ADGRL3: variants seen among roughly 807,000 people sequenced by gnomAD.
The protein encoded by ADGRL3 is calcium-independent alpha-latrotoxin receptor 3.
Under a neutral mutation model 153.5 loss-of-function variants are expected in ADGRL3, and 62 were observed. The observed-to-expected ratio is 0.40, with a 90% CI of 0.33 to 0.50. ADGRL3 has a LOEUF of 0.50. Ranked by LOEUF, ADGRL3 falls within the 20% of genes least tolerant of loss-of-function variation. The probability of loss-of-function intolerance (pLI) is 0.47; values close to 1 mark genes in which losing one functional copy is unlikely to be tolerated. For missense variants in ADGRL3, 1,641 were observed against 1,859.4 expected, an observed-to-expected ratio of 0.88 and a Z score of 2.16; for synonymous variants, 710 against 672.5, an observed-to-expected ratio of 1.06 and a Z score of -0.86.
chr4:61,641,254 AAAAATAAATCCTAT>A (rs1225686489), intron 5 of ADGRL3, among the ~76,000 whole-genome samples: 2 of 130,884 alleles, frequency 1.5e-5, no homozygotes, highest in Non-Finnish European at 3.2e-5. Flanking sequence ...TGTAGTAAAT[AAAAATAAATCCTAT>A]TTTTTTTTCG....
intron 1 of ADGRL3, among the ~76,000 whole-genome samples, chr4:61,252,819 C>G (rs2091582348): frequency 6.6e-6 from 1 of 151,886 alleles, no homozygotes; most frequent in African/African-American, 2.4e-5. Context: ...ACCATACTGT[C>G]TTCTGCTCAT....
chr4:61,699,631 A>G (rs1193978193), intron 6 of ADGRL3, among the ~76,000 whole-genome samples: 1 of 151,954 alleles, frequency 6.6e-6, no homozygotes, highest in Non-Finnish European at 1.5e-5. Flanking sequence ...GAGTTAATAG[A>G]CCCATTAGGA....
intron 1 of ADGRL3, among the ~76,000 whole-genome samples, chr4:61,278,276 C>A (rs1189316108): frequency 2.0e-5 from 3 of 152,072 alleles, no homozygotes; most frequent in Non-Finnish European, 4.4e-5. Flanking sequence ...CAGCTAAGAT[C>A]TAAAAATATT....
At chr4:61,669,590 T>C (rs2094922394) in intron 5 of ADGRL3, among the ~76,000 whole-genome samples, 1 of 152,214 alleles carries the variant, frequency 6.6e-6, no homozygotes, top group Non-Finnish European at 1.5e-5. Context: ...TATTTTTCTC[T>C]TGGAGAATAA....
chr4:61,492,962 T>A (rs574275498), intron 2 of ADGRL3, among the ~76,000 whole-genome samples: 4 of 152,156 alleles, frequency 2.6e-5, no homozygotes, highest in Non-Finnish European at 5.9e-5. Context: ...TGAAGAATAG[T>A]GAACTTAGTT....
At chr4:61,596,618 C>T (rs1373092877) in intron 5 of ADGRL3, among the ~76,000 whole-genome samples, 1 of 152,120 alleles carries the variant, frequency 6.6e-6, no homozygotes, top group Non-Finnish European at 1.5e-5. Flanking sequence ...TTTTTATTCT[C>T]CAGGCAGGAG....
At chr4:61,708,467 A>T (rs1024217205) in intron 6 of ADGRL3, among the ~76,000 whole-genome samples, 37 of 130,534 alleles carry the variant, frequency 2.8e-4, no homozygotes, top group African/African-American at 1.1e-3. Flanking sequence ...CTTGTTATTT[A>T]AAGTTTTACA....
At chr4:61,670,919 T>C (rs2094969558) in intron 5 of ADGRL3, among the ~76,000 whole-genome samples, 1 of 152,198 alleles carries the variant, frequency 6.6e-6, no homozygotes, top group African/African-American at 2.4e-5. Flanking sequence ...TCCTCGGTCC[T>C]TGTCTGTGCC....
At chr4:61,810,176 C>A (rs2097595841) in intron 8 of ADGRL3, among the ~76,000 whole-genome samples, 1 of 152,060 alleles carries the variant, frequency 6.6e-6, no homozygotes, top group Non-Finnish European at 1.5e-5. Context: ...AATGTCTCAA[C>A]ACACATGAAG....
intron 1 of ADGRL3, among the ~76,000 whole-genome samples, chr4:61,313,803 G>A (rs1486463462): frequency 6.6e-6 from 1 of 152,102 alleles, no homozygotes; most frequent in African/African-American, 2.4e-5. Flanking sequence ...TTTTAGTTCC[G>A]GGTCTTAGGT....
intron 2 of ADGRL3, among the ~76,000 whole-genome samples, chr4:61,446,817 C>A (rs2097587792): frequency 6.6e-6 from 1 of 152,102 alleles, no homozygotes; most frequent in Non-Finnish European, 1.5e-5. Context: ...TGTTTTTGAA[C>A]CTGTACCCAT....
intron 2 of ADGRL3, among the ~76,000 whole-genome samples, chr4:61,442,506 A>T (rs182613449): frequency 1.1e-3 from 164 of 152,268 alleles, no homozygotes; most frequent in African/African-American, 3.8e-3. Flanking sequence ...GATCAGGGAG[A>T]TCATTTAGGA....
At chr4:61,723,872 A>G (rs978135262) in intron 6 of ADGRL3, among the ~76,000 whole-genome samples, 2 of 152,212 alleles carry the variant, frequency 1.3e-5, no homozygotes, top group African/African-American at 4.8e-5. Flanking sequence ...CTCCATACCT[A>G]AAATAATTTC....
At position 61,903,650 on chromosome 4, in the gene ADGRL3, C is replaced by CAA. The variant is rs55879235; in HGVS notation, c.1888-5878_1888-5877dup. 8.9e-3 allele frequency among the ~76,000 whole-genome samples: 647 copies of CAA among 72,298 alleles called. 25 individuals carry two copies. Among genetic ancestry groups the CAA allele is most frequent in the East Asian group, 0.014 (23 of 1,680 alleles). The allele number at this position is 72,298 out of a possible 152,430, so 47.4% of individuals were successfully genotyped here. A position where few individuals can be genotyped will look rare whatever the true frequency, so the allele number is the denominator to read the frequency against. On this transcript the variant is annotated intron_variant, in intron 11 of 26. Transcript: ENST00000683033. ...TGCTGCACTCCAGCTTGGGAAACAG[C>CAA]AAAAAAAAAAAAAAAAAAAAAAAAA...
At chr4:61,308,494 C>T (rs2094883923) in intron 1 of ADGRL3, among the ~76,000 whole-genome samples, 1 of 152,118 alleles carries the variant, frequency 6.6e-6, no homozygotes, top group African/African-American at 2.4e-5. Context: ...TTTAAGACTT[C>T]CTTAGGGCAC....
At chr4:62,059,539 C>A (rs1275470981) in intron 25 of ADGRL3, among the ~76,000 whole-genome samples, 1 of 152,068 alleles carries the variant, frequency 6.6e-6, no homozygotes, top group Non-Finnish European at 1.5e-5. Flanking sequence ...TCCTTAATAA[C>A]AACGGTAAGG....
At chr4:61,551,805 A>G (rs1354749958) in intron 4 of ADGRL3, among the ~76,000 whole-genome samples, 2 of 152,172 alleles carry the variant, frequency 1.3e-5, no homozygotes, top group Non-Finnish European at 2.9e-5. Context: ...TAAAACATAC[A>G]TTGGTAGTTG....
chr4:61,414,676 T>A (rs1362889076), intron 2 of ADGRL3, among the ~76,000 whole-genome samples: 1 of 150,734 alleles, frequency 6.6e-6, no homozygotes, highest in Non-Finnish European at 1.5e-5. Context: ...TGCTTTATGT[T>A]TTTTTTTTGG....
intron 2 of ADGRL3, among the ~76,000 whole-genome samples, chr4:61,441,628 TCCTGCC>T (rs1272017839): frequency 6.6e-6 from 1 of 152,034 alleles, no homozygotes; most frequent in Non-Finnish European, 1.5e-5. Flanking sequence ...CAAGCAATTC[TCCTGCC>T]TTAGCCTCCC....
Sources: allele counts gnomAD v4.1 joint callset (sites outside exome capture counted in the v4.1 genomes callset), GRCh38; gene constraint gnomAD v4.1.1; transcripts MANE v1.5; gene names NCBI Gene and HGNC (gene_info 2026-07-23, HGNC 2026-07-21).